Variants in THEMIS observed in about 807,000 individuals in gnomAD.
THEMIS encodes thymocyte selection associated, also known as protein THEMIS.
In THEMIS, 37 loss-of-function variants were observed where a neutral mutation model predicts 52.6. The ratio of observed to expected loss-of-function variants is 0.70; its 90% CI spans 0.54 to 0.93. The LOEUF is 0.93. Among genes scored for constraint, THEMIS ranks in the 40% least tolerant of loss-of-function variants. The probability of loss-of-function intolerance (pLI) is 0.00; values close to 1 mark genes in which losing one functional copy is unlikely to be tolerated. For synonymous variants in THEMIS, 292 were observed against 272.7 expected (o/e 1.07, Z -0.70); for missense variants, 808 against 763.1 (o/e 1.06, Z -0.69).
intron 4 of THEMIS, among the ~76,000 whole-genome samples, chr6:127,730,809 G>C (rs1046411068): frequency 2.0e-5 from 3 of 152,122 alleles, no homozygotes; most frequent in African/African-American, 4.8e-5. Flanking sequence ...TTTAACTAAA[G>C]GGCCAGCTCA....
rs963612076 is a variant in THEMIS, at chr6:127,812,086, G to T, written c.1758+797C>A. The stretch of plus-strand genomic sequence containing the variant: ...CAAGCTGCAAGTACAACATCTGCCA[G>T]ACCAGAATGCACTCCTTCCACACAC... On this transcript the variant is annotated intron_variant, in intron 4 of 5. Transcript: ENST00000368248. Among the ~76,000 whole-genome samples, 53 of 152,100 alleles carry T rather than the reference G, an allele frequency of 3.5e-4. 1 individual carries two copies.
chr6:127,779,538 A>C (rs1776675988), intron 4 of THEMIS, among the ~76,000 whole-genome samples: 1 of 152,128 alleles, frequency 6.6e-6, no homozygotes, highest in Non-Finnish European at 1.5e-5. Flanking sequence ...ATAAAATTTT[A>C]AGTCACTGAA....
chr6:127,827,546 A>T (rs1778547679), intron 3 of THEMIS, among the ~76,000 whole-genome samples: 1 of 152,238 alleles, frequency 6.6e-6, no homozygotes, highest in Non-Finnish European at 1.5e-5. Flanking sequence ...GGTTAACATA[A>T]ATTCACAGTT....
At chr6:127,886,659 C>T (rs948396366) in intron 1 of THEMIS, among the ~76,000 whole-genome samples, 2 of 152,074 alleles carry the variant, frequency 1.3e-5, no homozygotes, top group African/African-American at 4.8e-5. Flanking sequence ...AAAAAAACCT[C>T]GGACATGAAA....
At chr6:127,707,122 A>C (rs971417634), downstream of THEMIS, among the ~76,000 whole-genome samples, 2 of 152,050 alleles carry the variant, frequency 1.3e-5, no homozygotes, top group Non-Finnish European at 2.9e-5. Context: ...ATCTCATGAG[A>C]ACTCACTCAC....
At chr6:127,811,823 A>G (rs972120824) in intron 4 of THEMIS, among the ~76,000 whole-genome samples, 4 of 152,170 alleles carry the variant, frequency 2.6e-5, no homozygotes, top group Admixed American at 6.6e-5. Flanking sequence ...GTATTATATC[A>G]AATGACTCTT....
chr6:127,844,488 G>A (rs1323718367), intron 2 of THEMIS, among the ~76,000 whole-genome samples: 2 of 151,588 alleles, frequency 1.3e-5, no homozygotes, highest in Non-Finnish European at 2.9e-5. Context: ...ACAGAAAAAT[G>A]TCTTTATCTG....
At chr6:127,891,552 AAAAAG>A (rs1433316892) in intron 1 of THEMIS, among the ~76,000 whole-genome samples, 15,380 of 146,786 alleles carry the variant, frequency 0.1, 869 homozygotes, top group East Asian at 0.33. Context: ...AAAAAAAAAA[AAAAAG>A]AAAGAAACAA....
chr6:127,900,769 C>T (rs1781112117), intron 1 of THEMIS, 73 bp downstream of exon 1: 6 of 1,292,418 alleles, frequency 4.6e-6, no homozygotes, highest in Admixed American at 1.8e-5. Context: ...GTTAAAATTC[C>T]CCCCCTCCAA....
intron 1 of THEMIS, among the ~76,000 whole-genome samples, chr6:127,860,410 C>T (rs1779756822): frequency 6.6e-6 from 1 of 152,018 alleles, no homozygotes; most frequent in South Asian, 2.1e-4. Flanking sequence ...CCCAAAATAT[C>T]AGTATTAAGA....
chr6:127,729,362 A>G (rs1229231573), intron 4 of THEMIS, among the ~76,000 whole-genome samples: 3 of 152,022 alleles, frequency 2.0e-5, no homozygotes, highest in Non-Finnish European at 4.4e-5. Flanking sequence ...CTTCCTTTCG[A>G]GAGGTCTATG....
chr6:127,876,091 A>C (rs1780305435), intron 1 of THEMIS, among the ~76,000 whole-genome samples: 1 of 152,210 alleles, frequency 6.6e-6, no homozygotes, highest in Non-Finnish European at 1.5e-5. Flanking sequence ...CTCAAGAAGA[A>C]TATATTGGAA....
At chr6:127,876,573 C>T (rs534577357) in intron 1 of THEMIS, among the ~76,000 whole-genome samples, 67 of 152,192 alleles carry the variant, frequency 4.4e-4, no homozygotes, top group African/African-American at 1.6e-3. Context: ...CATGGTGAAA[C>T]CCACAAATAT....
At chr6:127,868,560 G>T in intron 1 of THEMIS, 2 of 775,100 alleles carry the variant, frequency 2.6e-6, no homozygotes, top group Non-Finnish European at 3.1e-6. Flanking sequence ...AAAGTGACCA[G>T]CTCAGGTGGA....
intron 4 of THEMIS, among the ~76,000 whole-genome samples, chr6:127,767,723 T>C (rs1389320782): frequency 6.6e-6 from 1 of 152,228 alleles, no homozygotes; most frequent in African/African-American, 2.4e-5. Context: ...ATGTATATTA[T>C]AAACCATTGA....
intron 4 of THEMIS, among the ~76,000 whole-genome samples, chr6:127,766,334 A>G (rs1324544372): frequency 1.3e-5 from 2 of 152,182 alleles, no homozygotes; most frequent in East Asian, 3.9e-4. Flanking sequence ...GTTTTGTTGA[A>G]TGAAATATGA....
chr6:127,915,921 A>C (rs1781515930), intron 1 of THEMIS, among the ~76,000 whole-genome samples: 1 of 152,200 alleles, frequency 6.6e-6, no homozygotes, highest in Non-Finnish European at 1.5e-5. Context: ...CAGGAGGCAG[A>C]GGTTGCAGTG....
chr6:127,789,854 C>G (rs2114518966), intron 4 of THEMIS, among the ~76,000 whole-genome samples: 1 of 152,270 alleles, frequency 6.6e-6, no homozygotes, highest in African/African-American at 2.4e-5. Flanking sequence ...TCTCAGTAAA[C>G]TAGGTATTGA....
At chr6:127,820,857 T>C (rs1778314623) in intron 3 of THEMIS, among the ~76,000 whole-genome samples, 1 of 152,040 alleles carries the variant, frequency 6.6e-6, no homozygotes, top group African/African-American at 2.4e-5. Context: ...AAAGTTAAAA[T>C]AAAAACTCAT....
Sources: allele counts gnomAD v4.1 joint callset (sites outside exome capture counted in the v4.1 genomes callset), GRCh38; gene constraint gnomAD v4.1.1; transcripts MANE v1.5; gene names NCBI Gene and HGNC (gene_info 2026-07-23, HGNC 2026-07-21).